ADGRA1: variants seen among roughly 807,000 people sequenced by gnomAD.
ADGRA1 encodes adhesion G protein-coupled receptor A1, also known as G-protein coupled receptor 123.
A neutral mutation model predicts 21.3 loss-of-function variants in ADGRA1; 12 were observed. The observed-to-expected ratio is 0.56, with a 90% CI of 0.36 to 0.91. ADGRA1 has a LOEUF of 0.91. ADGRA1 is among the 40% of genes least tolerant of loss of function. The pLI, the probability that ADGRA1 is intolerant of heterozygous loss-of-function variation, is 0.01. For missense variants in ADGRA1, 790 were observed against 805.6 expected (o/e 0.98, Z 0.23); for synonymous variants, 385 against 368.8 (o/e 1.04, Z -0.50).
Position 133,098,624 on chromosome 10 carries a change from C to A in ADGRA1, c.132-16C>A. The A allele has an allele frequency of 6.2e-7, 1 of 1,603,796 alleles. No individual in the cohort carries two copies. ...GAGCCTCTGCTCATGTGAAACCCTC[C>A]TTTCCCGTCCCACAGCGCCATCCGC... On this transcript the variant is annotated splice_polypyrimidine_tract_variant and intron_variant, in intron 3 of 6. Coordinates refer to ENST00000392607, the MANE Select transcript of ADGRA1 (RefSeq NM_001083909.3).
At position 133,130,037 on chromosome 10, in the gene ADGRA1, G is replaced by C. The variant is rs576045111; in HGVS notation, c.*526G>C. 6.4e-6 allele frequency: 1 copy of C among 157,254 alleles called. No individual in the cohort carries two copies. The highest frequency in any genetic ancestry group is 1.4e-5 in the Non-Finnish European group (1 of 71,254). The allele number at this position is 157,254 out of a possible 1,614,324, so 9.7% of individuals were successfully genotyped here. A position where few individuals can be genotyped will look rare whatever the true frequency, so the allele number is the denominator to read the frequency against. On this transcript the variant is annotated 3_prime_UTR_variant, in exon 7 of 7. Transcript: ENST00000392607. ...TGCGTTCTACTCCGGGGGTGGCGGC[G>C]GCAGGTCTGTCCCCAGCATTCTCGC...
chr10:133,115,266 G>A (rs1852135365), intron 5 of ADGRA1, among the ~76,000 whole-genome samples: 1 of 152,186 alleles, frequency 6.6e-6, no homozygotes, highest in Non-Finnish European at 1.5e-5. Context: ...AGGCAGGGGT[G>A]GCGCAGGCTG....
rs749924889 is a variant in ADGRA1, at chr10:133,127,340, C to G, written c.500+9C>G. On this transcript the variant is annotated intron_variant, in intron 6 of 6. Transcript: ENST00000392607. ...GACGAGGACACGGCGTAGTGAGTAC[C>G]GGGCACCCAGAACCGGGAGCTGGGA... 3.2e-6 allele frequency: 5 copies of G among 1,580,734 alleles called. No individual in the cohort carries two copies. The South Asian group carries it at 5.8e-5, about 18-fold the overall frequency.
intron 5 of ADGRA1, among the ~76,000 whole-genome samples, chr10:133,108,790 C>T (rs969826047): frequency 1.3e-5 from 2 of 152,014 alleles, no homozygotes; most frequent in African/African-American, 4.8e-5. Flanking sequence ...GTGGCCCCAG[C>T]TCCACCCCTC....
At chr10:133,092,605 G>A (rs1354784949) in intron 2 of ADGRA1, among the ~76,000 whole-genome samples, 1 of 152,098 alleles carries the variant, frequency 6.6e-6, no homozygotes, top group African/African-American at 2.4e-5. Flanking sequence ...TTAAAAGGCA[G>A]ACAAGGGAAT....
At position 133,129,447 on chromosome 10, in the gene ADGRA1, C is replaced by G. The variant is rs889432977; in HGVS notation, c.1619C>G (p.Pro540Arg). 1 of 1,601,944 alleles carries G rather than the reference C, an allele frequency of 6.2e-7. No homozygotes were observed. Among genetic ancestry groups the G allele is most frequent in the East Asian group, 2.2e-5 (1 of 44,866 alleles). The change falls in exon 7 of 7, where the codon CCG (proline) becomes CGG (arginine). Residue 540 changes from proline (P) to arginine (R), a missense_variant. Pro to Arg is a moderately radical substitution (Grantham distance 103). Coordinates refer to ENST00000392607, the MANE Select transcript of ADGRA1 (RefSeq NM_001083909.3). ...LPKGKLLEGL[P>R]FGTDGTGNIR... ...AAGGGTAAATTGCTAGAAGGCCTGC[C>G]GTTTGGCACCGACGGGACCGGCAAC... is the stretch of plus-strand genomic sequence containing the variant.
chr10:133,102,198 TC>T, intron 4 of ADGRA1: 2 of 457,130 alleles, frequency 4.4e-6, no homozygotes, highest in Non-Finnish European at 8.8e-6. Flanking sequence ...AGTAAGAGCA[TC>T]CTGGTGAATG....
intron 2 of ADGRA1, among the ~76,000 whole-genome samples, chr10:133,095,382 G>A (rs181376793): frequency 6.0e-4 from 92 of 152,278 alleles, no homozygotes; most frequent in African/African-American, 2.0e-3. Context: ...ACCACAGGGC[G>A]CTGTCTCTCT....
At position 133,129,763 on chromosome 10, in the gene ADGRA1, C is replaced by T. The variant is rs1852478536; in HGVS notation, c.*252C>T. ...GAAACGCTCCGGGCCACGCCCACTC[C>T]CCTTATCCCAATTCCGCGTGCTGGT... On this transcript the variant is annotated 3_prime_UTR_variant, in exon 7 of 7. Coordinates refer to ENST00000392607, the MANE Select transcript of ADGRA1 (RefSeq NM_001083909.3). The T allele has an allele frequency of 4.0e-6, 2 of 501,212 alleles. No homozygotes were observed. Among genetic ancestry groups the T allele is most frequent in the South Asian group, 2.7e-5 (1 of 37,076 alleles). The allele number at this position is 501,212 out of a possible 1,614,324, so 31.0% of individuals were successfully genotyped here.
Position 133,097,062 on chromosome 10 carries a change from G to T in ADGRA1, c.92G>T (p.Cys31Phe). The T allele has an allele frequency of 6.2e-7, 1 of 1,608,962 alleles. No individual in the cohort carries two copies. Residue 31 changes from cysteine to phenylalanine, a missense_variant, in exon 3 of 7, where the codon TGC (cysteine) becomes TTC (phenylalanine). Cys to Phe is a radical substitution (Grantham distance 205). Coordinates refer to ENST00000392607, the MANE Select transcript of ADGRA1 (RefSeq NM_001083909.3). ...GCGTGCACGGCCGTCATGCTGCTCT[G>T]CCTCCTGGCCTCCTTCGTCACCTAC... ...VYACTAVMLL[C>F]LLASFVTYIV...
chr10:133,112,400 CGTCCGTTATTTGGGGTCTGCGGGCCAT>C (rs1852055481), intron 5 of ADGRA1, among the ~76,000 whole-genome samples: 1 of 128,558 alleles, frequency 7.8e-6, no homozygotes, highest in Admixed American at 7.7e-5. Context: ...CTACGGGCCG[CGTCCGTTATTTGGGGTCTGCGGGCCAT>C]GTCGGTTATT....
chr10:133,094,590 G>C (rs376319176), intron 2 of ADGRA1, among the ~76,000 whole-genome samples: 1 of 152,170 alleles, frequency 6.6e-6, no homozygotes, highest in African/African-American at 2.4e-5. Context: ...AGATGAGAAC[G>C]AAGTCCTTGT....
rs184243838 is a variant in ADGRA1, at chr10:133,093,928, G to A, written c.4-3046G>A. Among the ~76,000 whole-genome samples, 142 of 152,384 alleles carry A rather than the reference G, an allele frequency of 9.3e-4. 1 individual carries two copies. Among genetic ancestry groups the A allele is most frequent in the Non-Finnish European group, 1.8e-4 (12 of 68,040 alleles). ...AGTTTTAAATGTCACCTCTGAAAATGTAGACAGGCACTGTTGATAACTGTA... is the reference window on the plus strand; with the variant it reads ...AGTTTTAAATGTCACCTCTGAAAATATAGACAGGCACTGTTGATAACTGTA... On this transcript the variant is annotated intron_variant, in intron 2 of 6. Coordinates refer to ENST00000392607, the MANE Select transcript of ADGRA1 (RefSeq NM_001083909.3).
At chr10:133,088,638 G>T in intron 1 of ADGRA1, 70 bp from the exon 2 acceptor site, 1 of 1,021,690 alleles carries the variant, frequency 9.8e-7, no homozygotes, top group Non-Finnish European at 1.2e-6. Context: ...CTCCCTGGCG[G>T]GGTCGGGGCT....
chr10:133,092,275 AC>A (rs1851607541), intron 2 of ADGRA1, among the ~76,000 whole-genome samples: 1 of 152,242 alleles, frequency 6.6e-6, no homozygotes, highest in African/African-American at 2.4e-5. Context: ...AAAAATGGCT[AC>A]AGTCTACTTC....
chr10:133,114,811 T>G (rs530410538), intron 5 of ADGRA1, among the ~76,000 whole-genome samples: 3 of 152,270 alleles, frequency 2.0e-5, no homozygotes, highest in African/African-American at 7.2e-5. Context: ...GGCCGTCTCC[T>G]GAGCTGTCTG....
In ADGRA1 at chr10:133,088,084, G is replaced by A. The variant is rs1168553814; in HGVS notation, c.-257G>A. 1 of 985,150 alleles carries A rather than the reference G, an allele frequency of 1.0e-6. No homozygotes were observed. The highest frequency in any genetic ancestry group is 1.7e-5 in the African/African-American group (1 of 57,224). The allele number at this position is 985,150 out of a possible 1,614,324, so 61.0% of individuals were successfully genotyped here. On this transcript the variant is annotated 5_prime_UTR_variant, in exon 1 of 7. Coordinates refer to ENST00000392607, the MANE Select transcript of ADGRA1 (RefSeq NM_001083909.3). The stretch of plus-strand genomic sequence containing the variant: ...GTCCCCGGCGGGGGGAGCGCAGCGC[G>A]TCTGTCTCCGGGAGCGCGGCCCGGC...
rs1438835251 is a variant in ADGRA1 at position 133,088,122 on chromosome 10, C to T, written c.-219C>T. On this transcript the variant is annotated 5_prime_UTR_variant, in exon 1 of 7. Coordinates refer to ENST00000392607, the MANE Select transcript of ADGRA1 (RefSeq NM_001083909.3). The stretch of plus-strand genomic sequence containing the variant: ...AGCGCGGCCCGGCCGCCCCGGCAGC[C>T]GCTTCGGCCACAGCAGGTGGGAAGG... 6.1e-6 allele frequency: 6 copies of T among 984,976 alleles called. No individual in the cohort carries two copies. The highest frequency in any genetic ancestry group is 7.2e-6 in the Non-Finnish European group (6 of 829,634). 61.0% of individuals were successfully genotyped at this position (984,976 alleles called of 1,614,324 possible).
chr10:133,102,480 GAAGGGGAGGAAAGCT>G, intron 4 of ADGRA1: 1 of 668,704 alleles, frequency 1.5e-6, no homozygotes, highest in South Asian at 1.5e-5. Context: ...TCTCTGTGCA[GAAGGGGAGGAAAGCT>G]GAGCCGCTCA....
Sources: gnomAD v4.1 joint callset for allele counts (sites outside exome capture counted in the v4.1 genomes callset) on GRCh38, gnomAD v4.1.1 for gene constraint, MANE v1.5 for transcripts, NCBI Gene and HGNC (gene_info 2026-07-23, HGNC 2026-07-21) for gene names.